Variants in TMEM161B observed in about 807,000 individuals in gnomAD.
The protein encoded by TMEM161B is transmembrane protein 161B.
Under a neutral mutation model 61.8 loss-of-function variants are expected in TMEM161B, and 34 were observed. The observed-to-expected ratio is 0.55, with a 90% CI of 0.42 to 0.73. TMEM161B has a LOEUF of 0.73. Among genes scored for constraint, TMEM161B ranks in the 30% least tolerant of loss-of-function variants. TMEM161B has a pLI of 0.00. For missense variants in TMEM161B, 456 were observed against 558.5 expected (o/e 0.82, Z 1.85); for synonymous variants, 167 against 192.8 (o/e 0.87, Z 1.11).
At chr5:88,247,208 A>G (rs1753730485) in intron 1 of TMEM161B, among the ~76,000 whole-genome samples, 1 of 152,092 alleles carries the variant, frequency 6.6e-6, no homozygotes. Flanking sequence ...GAAAAATTAA[A>G]CAATTCTCCA....
At chr5:88,235,516 C>A (rs940263567) in intron 2 of TMEM161B, among the ~76,000 whole-genome samples, 2 of 152,032 alleles carry the variant, frequency 1.3e-5, no homozygotes, top group African/African-American at 4.8e-5. Flanking sequence ...GGATTATTGC[C>A]CTTTTAAAAG....
chr5:88,186,889 TGA>T (rs1396082438), downstream of TMEM161B, among the ~76,000 whole-genome samples: 1 of 150,876 alleles, frequency 6.6e-6, no homozygotes, highest in Non-Finnish European at 1.5e-5. Context: ...GGCAACAAAG[TGA>T]GACTCTGTCT....
At chr5:88,241,946 T>C (rs1346861101) in intron 1 of TMEM161B, among the ~76,000 whole-genome samples, 3 of 151,768 alleles carry the variant, frequency 2.0e-5, no homozygotes, top group African/African-American at 4.8e-5. Context: ...TAATAGAGCA[T>C]CTTCTATAGA....
Position 88,196,315 on chromosome 5 carries a change from G to T in TMEM161B, c.1360C>A (p.Leu454Ile), listed in dbSNP as rs1323881292. The change falls in exon 12 of 12, where the codon CTT becomes ATT. Residue 454 changes from leucine (L) to isoleucine (I), a missense_variant. Around this residue, in one of 3 missense-constraint regions of TMEM161B, gnomAD observed 367 missense variants for 427.3 expected, o/e 0.86. Coordinates refer to ENST00000296595, the MANE Select transcript of TMEM161B (RefSeq NM_153354.5). ...AGAAAAGACAGAAGTCCTCGAAAAA[G>T]AAGAGGAGTAAAAATATTTTTTAAG... is the stretch of plus-strand genomic sequence containing the variant. ...SSLKNIFTPL[L>I]FRGLLSFLTW... The T allele has an allele frequency of 6.2e-7, 1 of 1,613,396 alleles. No individual in the cohort carries two copies. The highest frequency in any genetic ancestry group is 8.5e-7 in the Non-Finnish European group (1 of 1,179,570).
chr5:88,186,262 G>T (rs879320602), downstream of TMEM161B, among the ~76,000 whole-genome samples: 8 of 152,176 alleles, frequency 5.3e-5, no homozygotes, highest in Non-Finnish European at 1.0e-4. Context: ...GTCCAACGAT[G>T]CATTGCAATC....
In TMEM161B at chr5:88,263,111, C is replaced by CA. The variant is rs539083809; in HGVS notation, c.3+5609dup. Reference sequence around the variant, plus strand: ...CTTGCTTTTTAGATACACTGTACTACAATAATTTTACAGGAGCAGTTAATA... The same window carrying CA: ...CTTGCTTTTTAGATACACTGTACTACAAATAATTTTACAGGAGCAGTTAATA... On this transcript the variant is annotated intron_variant, in intron 1 of 11. Coordinates refer to ENST00000296595, the MANE Select transcript of TMEM161B (RefSeq NM_153354.5). Among the ~76,000 whole-genome samples, 76 of 152,164 alleles carry CA rather than the reference C, an allele frequency of 5.0e-4. No individual in the cohort carries two copies. The Middle Eastern group carries it at 0.027, about 54-fold the overall frequency.
intron 4 of TMEM161B, among the ~76,000 whole-genome samples, chr5:88,222,004 ATT>A (rs1302464543): frequency 6.6e-6 from 1 of 152,176 alleles, no homozygotes; most frequent in Non-Finnish European, 1.5e-5. Flanking sequence ...TGATCATAAC[ATT>A]TTTCCAAAAT....
intron 1 of TMEM161B, among the ~76,000 whole-genome samples, chr5:88,241,547 A>G (rs1016793972): frequency 2.0e-5 from 3 of 151,914 alleles, no homozygotes; most frequent in African/African-American, 7.2e-5. Flanking sequence ...AAGCTTTAAA[A>G]GTAATATGCC....
chr5:88,206,509 A>G lies in TMEM161B; in HGVS notation c.599-10T>C, dbSNP rs200943647. The G allele has an allele frequency of 2.2e-4, 307 of 1,374,010 alleles. No individual in the cohort carries two copies. Among genetic ancestry groups the G allele is most frequent in the East Asian group, 9.9e-4 (37 of 37,544 alleles). 85.1% of individuals were successfully genotyped at this position (1,374,010 alleles called of 1,614,324 possible). On this transcript the variant is annotated splice_polypyrimidine_tract_variant and intron_variant, in intron 6 of 11. Transcript: ENST00000296595. ...GAAAAATTTGTAAACCCTGTGGGGG[A>G]AAAAAAAAAAAACAACAGATTACTC...
chr5:88,211,205 A>G (rs891132227), intron 5 of TMEM161B, among the ~76,000 whole-genome samples: 5 of 152,136 alleles, frequency 3.3e-5, no homozygotes, highest in Admixed American at 6.5e-5. Context: ...CAAGAAAAAA[A>G]GAGATGACAG....
chr5:88,265,110 A>C (rs1756208210), intron 1 of TMEM161B, among the ~76,000 whole-genome samples: 1 of 152,244 alleles, frequency 6.6e-6, no homozygotes, highest in Non-Finnish European at 1.5e-5. Flanking sequence ...ATTTGAAAAA[A>C]AATTTAAAAA....
chr5:88,187,869 C>G (rs1348355226), downstream of TMEM161B, among the ~76,000 whole-genome samples: 4 of 152,152 alleles, frequency 2.6e-5, no homozygotes, highest in Non-Finnish European at 4.4e-5. Context: ...TCTCTTATAG[C>G]TTCTTGAATG....
chr5:88,241,902 A>G (rs567886020), intron 1 of TMEM161B, among the ~76,000 whole-genome samples: 1 of 151,770 alleles, frequency 6.6e-6, no homozygotes, highest in Non-Finnish European at 1.5e-5. Flanking sequence ...AAAGTCACTT[A>G]TATCTACATC....
rs1745350256 is a variant in TMEM161B, at chr5:88,205,800, C to T, written c.800+14G>A. On this transcript the variant is annotated intron_variant, in intron 8 of 11. Coordinates refer to ENST00000296595, the MANE Select transcript of TMEM161B (RefSeq NM_153354.5). ...ATATTTATCTGCATGTGCTTATGTA[C>T]ATTTTCCGCTTACTGTGTAATTTTT... The T allele has an allele frequency of 6.2e-7, 1 of 1,611,450 alleles. No homozygotes were observed. The highest frequency in any genetic ancestry group is 2.2e-5 in the East Asian group (1 of 44,702).
downstream of TMEM161B, among the ~76,000 whole-genome samples, chr5:88,189,350 C>A (rs370763850): frequency 6.6e-6 from 1 of 152,096 alleles, no homozygotes; most frequent in African/African-American, 2.4e-5. Flanking sequence ...AGTCAGCTTC[C>A]GGGTGTGACT....
chr5:88,249,384 C>G (rs1232318034), intron 1 of TMEM161B, among the ~76,000 whole-genome samples: 1 of 152,146 alleles, frequency 6.6e-6, no homozygotes, highest in African/African-American at 2.4e-5. Context: ...CATTTTTGAG[C>G]TTGCAAAGCA....
At chr5:88,258,275 C>CT (rs1755250605) in intron 1 of TMEM161B, among the ~76,000 whole-genome samples, 1 of 152,070 alleles carries the variant, frequency 6.6e-6, no homozygotes, top group Admixed American at 6.5e-5. Flanking sequence ...CTCTTTTCTA[C>CT]TTTTTCGTAA....
chr5:88,221,632 A>G (rs1306526281), intron 4 of TMEM161B: 9 of 451,600 alleles, frequency 2.0e-5, no homozygotes, highest in South Asian at 1.3e-4. Context: ...AAGAGTTTAC[A>G]TTGAAATTAA....
At chr5:88,191,912 G>A (rs193233408), downstream of TMEM161B, among the ~76,000 whole-genome samples, 736 of 125,838 alleles carry the variant, frequency 5.8e-3, 10 homozygotes, top group Non-Finnish European at 7.7e-3. Flanking sequence ...AGCCGAGACC[G>A]CGCCACTGCA....
Sources: allele counts gnomAD v4.1 joint callset (sites outside exome capture counted in the v4.1 genomes callset), GRCh38; gene constraint gnomAD v4.1.1; regional missense constraint gnomAD v4.1.1; transcripts MANE v1.5; gene names NCBI Gene and HGNC (gene_info 2026-07-23, HGNC 2026-07-21).